The following SLC22A23 variants were observed in gnomAD, a reference collection of about 807,000 sequenced individuals.
SLC22A23 encodes the protein solute carrier family 22 member 23.
Under a neutral mutation model 61.0 loss-of-function variants are expected in SLC22A23, and 26 were observed. The ratio of observed to expected loss-of-function variants is 0.43; its 90% CI spans 0.31 to 0.59. SLC22A23 has a LOEUF of 0.59. Ranked by LOEUF, SLC22A23 falls within the 20% of genes least tolerant of loss-of-function variation. SLC22A23 has a pLI of 0.11. For synonymous variants in SLC22A23, 430 were observed against 413.9 expected, an observed-to-expected ratio of 1.04 and a Z score of -0.47; for missense variants, 796 against 934.7, an observed-to-expected ratio of 0.85 and a Z score of 1.94.
intron 3 of SLC22A23, among the ~76,000 whole-genome samples, chr6:3,385,094 T>C (rs754338002): frequency 5.9e-5 from 9 of 151,750 alleles, no homozygotes; most frequent in Non-Finnish European, 1.2e-4. Flanking sequence ...GGAGGGAGAA[T>C]GGGAATTTGT....
chr6:3,450,679 C>T (rs7749118), intron 1 of SLC22A23, among the ~76,000 whole-genome samples: 16,063 of 152,150 alleles, frequency 0.11, 1,301 homozygotes, highest in African/African-American at 0.22. Flanking sequence ...TAAAATGTTT[C>T]GGAAGAAATG....
chr6:3,298,699 G>A (rs1761331603), intron 4 of SLC22A23, among the ~76,000 whole-genome samples: 2 of 152,138 alleles, frequency 1.3e-5, no homozygotes, highest in South Asian at 4.1e-4. Context: ...CCGGCCGGGC[G>A]CGGTGGCTCA....
chr6:3,396,560 AAAC>A (rs893525404), intron 3 of SLC22A23, among the ~76,000 whole-genome samples: 9 of 152,252 alleles, frequency 5.9e-5, no homozygotes, highest in Non-Finnish European at 1.2e-4. Context: ...AAACAAAACA[AAAC>A]AACAACAACA....
chr6:3,289,808 C>G lies in SLC22A23; in HGVS notation c.1269G>C (p.Gly423=), dbSNP rs1233965102. 1 of 1,614,012 alleles carries G rather than the reference C, an allele frequency of 6.2e-7. No homozygotes were observed. The highest frequency in any genetic ancestry group is 8.5e-7 in the Non-Finnish European group (1 of 1,180,030). ...CAATGTTCTTCCACAGGTTCCGTGT[C>G]CCCACCACCTTCACGATGCAGACCT... ...PKKVCIVKVV[G]TRNLWKNIVV... The change falls in exon 6 of 10, where the codon GGG becomes GGC. Residue 423 remains glycine, a synonymous_variant. Coordinates refer to ENST00000406686, the MANE Select transcript of SLC22A23 (RefSeq NM_015482.2).
At chr6:3,411,536 G>A (rs552426540) in intron 2 of SLC22A23, among the ~76,000 whole-genome samples, 1 of 152,204 alleles carries the variant, frequency 6.6e-6, no homozygotes, top group South Asian at 2.1e-4. Flanking sequence ...GTGTGGTGAT[G>A]GCTGTACAAC....
chr6:3,339,484 G>A lies in SLC22A23; in HGVS notation c.914-15482C>T, dbSNP rs941175149. On this transcript the variant is annotated intron_variant, in intron 3 of 9. Transcript: ENST00000406686. ...TTAAACAGGAGCTGGGTAAAATGAG[G>A]CTGAAACCTACTGGGCTGCATTCCC... 3.3e-5 allele frequency among the ~76,000 whole-genome samples: 5 copies of A among 152,186 alleles called. No individual in the cohort carries two copies. In the East Asian group the frequency reaches 9.6e-4, roughly 29 times the overall value.
At chr6:3,354,919 A>G (rs556173019) in intron 3 of SLC22A23, among the ~76,000 whole-genome samples, 1 of 152,350 alleles carries the variant, frequency 6.6e-6, no homozygotes, top group East Asian at 1.9e-4. Context: ...GAACAGACAA[A>G]GCAGGACCTG....
intron 9 of SLC22A23, among the ~76,000 whole-genome samples, chr6:3,277,920 C>T (rs1438751134): frequency 2.6e-5 from 4 of 152,234 alleles, no homozygotes; most frequent in South Asian, 2.1e-4. Context: ...CTAGCTTTGA[C>T]GAAGCGAGCT....
intron 3 of SLC22A23, among the ~76,000 whole-genome samples, chr6:3,393,452 C>T (rs775364782): frequency 2.0e-5 from 3 of 152,208 alleles, no homozygotes; most frequent in East Asian, 3.8e-4. Flanking sequence ...CAATAGCACA[C>T]GTGCCTAGTG....
At chr6:3,411,090 C>T (rs1330669908) in intron 2 of SLC22A23, among the ~76,000 whole-genome samples, 1 of 152,120 alleles carries the variant, frequency 6.6e-6, no homozygotes, top group East Asian at 1.9e-4. Context: ...CACTAGGGGG[C>T]GATGTGCTTC....
At chr6:3,336,326 C>A (rs571262283) in intron 3 of SLC22A23, among the ~76,000 whole-genome samples, 1 of 152,192 alleles carries the variant, frequency 6.6e-6, no homozygotes, top group South Asian at 2.1e-4. Context: ...CTGCCATAGT[C>A]GCCTGTGACC....
At position 3,454,064 on chromosome 6, in the gene SLC22A23, A is replaced by C. The variant is rs1186417491; in HGVS notation, c.654+1842T>G. Among the ~76,000 whole-genome samples the C allele has an allele frequency of 6.6e-6, 1 of 152,190 alleles. No homozygotes were observed. Among genetic ancestry groups the C allele is most frequent in the Non-Finnish European group, 1.5e-5 (1 of 68,042 alleles). On this transcript the variant is annotated intron_variant, in intron 1 of 9. Coordinates refer to ENST00000406686, the MANE Select transcript of SLC22A23 (RefSeq NM_015482.2). This position sits in a 1 kb window ranked among gnomAD's most constrained non-coding sequence, Gnocchi z 4.3. ...TTATTTAGATCTTTTTTGTCTGTGAAAATCAATATGTCCTTTCTAGGCTTT... is the reference window on the plus strand; with the variant it reads ...TTATTTAGATCTTTTTTGTCTGTGACAATCAATATGTCCTTTCTAGGCTTT...
At chr6:3,403,853 C>T (rs1581827466) in intron 3 of SLC22A23, among the ~76,000 whole-genome samples, 1 of 152,356 alleles carries the variant, frequency 6.6e-6, no homozygotes, top group East Asian at 1.9e-4. Context: ...AGCGATCGCA[C>T]AGCTACACAA....
intron 1 of SLC22A23, among the ~76,000 whole-genome samples, chr6:3,449,561 C>G (rs1210529220): frequency 1.3e-5 from 2 of 152,154 alleles, no homozygotes; most frequent in African/African-American, 4.8e-5. Context: ...CAAAAACTTT[C>G]AAAAAGATGT....
chr6:3,448,595 G>A (rs977393898), intron 1 of SLC22A23, among the ~76,000 whole-genome samples: 1 of 152,044 alleles, frequency 6.6e-6, no homozygotes, highest in Admixed American at 6.6e-5. Flanking sequence ...CCGAGTTCAC[G>A]CCATTCTCCT....
chr6:3,361,439 G>A (rs1049192560), intron 3 of SLC22A23, among the ~76,000 whole-genome samples: 1 of 152,150 alleles, frequency 6.6e-6, no homozygotes, highest in South Asian at 2.1e-4. Context: ...GCCAGGTTAG[G>A]AGCAGGATGT....
chr6:3,416,691 C>T (rs1231180658), intron 1 of SLC22A23, among the ~76,000 whole-genome samples: 1 of 152,230 alleles, frequency 6.6e-6, no homozygotes. Flanking sequence ...TAAGCAGGGT[C>T]CCTGCTGGCC....
intron 3 of SLC22A23, among the ~76,000 whole-genome samples, chr6:3,408,553 T>A (rs939343794): frequency 7.2e-5 from 11 of 152,214 alleles, no homozygotes; most frequent in South Asian, 2.1e-4. Context: ...CAGACATGGC[T>A]AATGGATCAA....
chr6:3,279,509 CAAAAAAAAAAAA>C (rs10642564), intron 9 of SLC22A23, among the ~76,000 whole-genome samples: 2 of 36,016 alleles, frequency 5.6e-5, no homozygotes, highest in African/African-American at 7.3e-5. Context: ...GGCTCCGTCT[CAAAAAAAAAAAA>C]AAAAAAAAAA....
Sources: gnomAD v4.1 joint callset for allele counts (sites outside exome capture counted in the v4.1 genomes callset) on GRCh38, gnomAD v4.1.1 for gene constraint, Gnocchi (gnomAD v3.1) non-coding constraint, MANE v1.5 for transcripts, NCBI Gene and HGNC (gene_info 2026-07-23, HGNC 2026-07-21) for gene names.